The following RPH3AL variants were observed in gnomAD, a reference collection of about 807,000 sequenced individuals.
The protein encoded by RPH3AL is rabphilin 3A like (without C2 domains).
A neutral mutation model predicts 43.1 loss-of-function variants in RPH3AL; 38 were observed. The observed-to-expected ratio is 0.88, with a 90% CI of 0.68 to 1.15. The LOEUF is 1.15. Among genes scored for constraint, RPH3AL ranks in the 50% most tolerant of loss-of-function variants. RPH3AL has a pLI of 0.00. For synonymous variants in RPH3AL, 189 were observed against 176.3 expected (o/e 1.07, Z -0.57); for missense variants, 462 against 423.2 (o/e 1.09, Z -0.81).
At chr17:297,325 G>T (rs551140086) in intron 5 of RPH3AL, among the ~76,000 whole-genome samples, 1 of 152,206 alleles carries the variant, frequency 6.6e-6, no homozygotes, top group South Asian at 2.1e-4. Flanking sequence ...GTTTCTCTGC[G>T]AGTTCTGTGA....
intron 6 of RPH3AL, 91 bp downstream of exon 6, chr17:281,672 AGCCCT>A: frequency 4.4e-6 from 1 of 227,358 alleles, no homozygotes; most frequent in Admixed American, 5.7e-5. Flanking sequence ...CAGCCCGCCC[AGCCCT>A]CCCCACCGTC....
chr17:291,934 A>G (rs563554268), intron 5 of RPH3AL, among the ~76,000 whole-genome samples: 1 of 152,374 alleles, frequency 6.6e-6, no homozygotes, highest in African/African-American at 2.4e-5. Flanking sequence ...CAAACTGTGC[A>G]AAGTCAAAAT....
intron 7 of RPH3AL, among the ~76,000 whole-genome samples, chr17:244,180 C>T (rs1555538654): frequency 6.6e-6 from 1 of 151,364 alleles, no homozygotes; most frequent in Non-Finnish European, 1.5e-5. Flanking sequence ...TGATTCCCTT[C>T]CTCTATTGAT....
At chr17:302,160 G>C (rs72806047) in intron 5 of RPH3AL, among the ~76,000 whole-genome samples, 6,935 of 152,346 alleles carry the variant, frequency 0.046, 226 homozygotes, top group South Asian at 0.088. Context: ...CGGCATCTGC[G>C]GACTGCGAGG....
chr17:316,258 C>G (rs1459163113), intron 5 of RPH3AL, among the ~76,000 whole-genome samples: 1 of 119,540 alleles, frequency 8.4e-6, no homozygotes, highest in Non-Finnish European at 1.9e-5. Context: ...GACCTGTAGT[C>G]CCTGTGACTC....
intron 7 of RPH3AL, among the ~76,000 whole-genome samples, chr17:237,426 C>T (rs995299880): frequency 8.5e-5 from 13 of 152,146 alleles, no homozygotes; most frequent in Non-Finnish European, 5.9e-5. Flanking sequence ...GGCCTGCACT[C>T]CCCTCTGGGG....
chr17:219,647 C>T lies in RPH3AL; in HGVS notation c.703G>A (p.Gly235Ser), dbSNP rs2151498816. The change falls in exon 8 of 10, where the codon GGC becomes AGC. Residue 235 changes from glycine (G) to serine (S), a missense_variant. Gly to Ser is a moderately conservative substitution (Grantham distance 56, BLOSUM62 0). Transcript: ENST00000331302. Reference sequence around the variant, plus strand: ...CCTGACTCCTTCCAGGGTTTGTCGCCTTTCCGGTCCCTGACCCCAGTGGAT... The same window carrying T: ...CCTGACTCCTTCCAGGGTTTGTCGCTTTTCCGGTCCCTGACCCCAGTGGAT... ...LPSTGVRDRK[G>S]DKPWKESGGS... is the part of the protein sequence containing the mutation. The T allele has an allele frequency of 6.2e-7, 1 of 1,600,758 alleles. No homozygotes were observed. Among genetic ancestry groups the T allele is most frequent in the Non-Finnish European group, 8.5e-7 (1 of 1,174,586 alleles).
At chr17:300,697 G>A (rs2043305356) in intron 5 of RPH3AL, among the ~76,000 whole-genome samples, 1 of 142,680 alleles carries the variant, frequency 7.0e-6, no homozygotes, top group South Asian at 2.2e-4. Flanking sequence ...AGCAGGGGCT[G>A]GCCCAGCCTA....
chr17:258,139 C>T (rs1204931869), intron 6 of RPH3AL, among the ~76,000 whole-genome samples: 2 of 152,206 alleles, frequency 1.3e-5, no homozygotes, highest in South Asian at 2.1e-4. Context: ...CACGTTTTGT[C>T]GTCTGTTCAT....
At position 274,112 on chromosome 17, in the gene RPH3AL, C is replaced by G. The variant is rs952997828; in HGVS notation, c.438+7656G>C. On this transcript the variant is annotated intron_variant, in intron 6 of 9. Transcript: ENST00000331302. The surrounding 1 kb of genome is among the most constrained non-coding windows in gnomAD (Gnocchi z 4.7). The stretch of plus-strand genomic sequence containing the variant: ...TAGTGGATAGGGATTCGAGGCTAAA[C>G]AGTAAATGAAATGAATTTCTGGTTT... Among the ~76,000 whole-genome samples the G allele has an allele frequency of 6.6e-6, 1 of 152,206 alleles. No homozygotes were observed. Among genetic ancestry groups the G allele is most frequent in the East Asian group, 1.9e-4 (1 of 5,200 alleles).
intron 5 of RPH3AL, among the ~76,000 whole-genome samples, chr17:297,339 ACT>A (rs757482003): frequency 5.9e-5 from 9 of 152,168 alleles, no homozygotes; most frequent in Non-Finnish European, 1.2e-4. Flanking sequence ...TCTGTGAGCC[ACT>A]CTAGCAAATT....
intron 7 of RPH3AL, among the ~76,000 whole-genome samples, chr17:241,721 C>CTTTTTTT (rs58397357): frequency 7.5e-6 from 1 of 134,012 alleles, no homozygotes; most frequent in Non-Finnish European, 1.6e-5. Flanking sequence ...CTTTTTTTTT[C>CTTTTTTT]TTTTTTTTTT....
chr17:224,219 A>T (rs970794586), intron 7 of RPH3AL, among the ~76,000 whole-genome samples: 1 of 143,578 alleles, frequency 7.0e-6, no homozygotes, highest in Non-Finnish European at 1.6e-5. Flanking sequence ...ATGCTCCAGC[A>T]AAAGCACAGA....
At chr17:259,135 G>A (rs568358029) in intron 6 of RPH3AL, among the ~76,000 whole-genome samples, 2 of 152,258 alleles carry the variant, frequency 1.3e-5, no homozygotes, top group Admixed American at 6.5e-5. Flanking sequence ...TGCTGTCACT[G>A]TAGTCCAGGT....
In RPH3AL at chr17:292,375, G is replaced by T. The variant is rs79979815; in HGVS notation, c.352-10521C>A. On this transcript the variant is annotated intron_variant, in intron 5 of 9. Coordinates refer to ENST00000331302, the MANE Select transcript of RPH3AL (RefSeq NM_006987.4). ...TAAACGTATAGACAGTTCAGATATT[G>T]ATGTATATAATTACAAATATTTATA... Among the ~76,000 whole-genome samples, 1,063 of 152,300 alleles carry T rather than the reference G, an allele frequency of 7.0e-3. 6 individuals carry two copies. The highest frequency in any genetic ancestry group is 0.025 in the African/African-American group (1,022 of 41,566).
At chr17:277,721 G>A (rs2042686740) in intron 6 of RPH3AL, among the ~76,000 whole-genome samples, 2 of 152,140 alleles carry the variant, frequency 1.3e-5, no homozygotes, top group East Asian at 3.8e-4. Flanking sequence ...TTGGGAGACT[G>A]GGGCAGGTGG....
chr17:265,438 AT>A (rs1555547672), intron 6 of RPH3AL, among the ~76,000 whole-genome samples: 1 of 152,204 alleles, frequency 6.6e-6, no homozygotes, highest in Non-Finnish European at 1.5e-5. Context: ...AGCTTTGAAT[AT>A]TCAAAAGTTA....
At chr17:217,070 C>A (rs2040822645) in intron 8 of RPH3AL, among the ~76,000 whole-genome samples, 1 of 148,220 alleles carries the variant, frequency 6.7e-6, no homozygotes, top group South Asian at 2.2e-4. Context: ...CCATCTGGGG[C>A]AGTTATTACA....
At chr17:236,941 C>T (rs2041410690) in intron 7 of RPH3AL, among the ~76,000 whole-genome samples, 1 of 152,386 alleles carries the variant, frequency 6.6e-6, no homozygotes, top group Non-Finnish European at 1.5e-5. Context: ...CCTGGTCAGC[C>T]TTCCCCTCCT....
Sources: allele counts gnomAD v4.1 joint callset (sites outside exome capture counted in the v4.1 genomes callset), GRCh38; gene constraint gnomAD v4.1.1; non-coding constraint Gnocchi (gnomAD v3.1); transcripts MANE v1.5; gene names NCBI Gene and HGNC (gene_info 2026-07-23, HGNC 2026-07-21).